The following SECISBP2 variants were observed in gnomAD, a reference collection of about 807,000 sequenced individuals.
SECISBP2 encodes SECIS binding protein 2.
A neutral mutation model predicts 98.2 loss-of-function variants in SECISBP2; 96 were observed. The ratio of observed to expected loss-of-function variants is 0.98; its 90% CI spans 0.83 to 1.16. The LOEUF is 1.16. Among genes scored for constraint, SECISBP2 ranks in the 50% most tolerant of loss-of-function variants. SECISBP2 has a pLI of 0.00. For synonymous variants in SECISBP2, 407 were observed against 370.2 expected, an observed-to-expected ratio of 1.10 and a Z score of -1.14; for missense variants, 1,046 against 1,022.9, an observed-to-expected ratio of 1.02 and a Z score of -0.31.
intron 2 of SECISBP2, chr9:89,324,281 G>A (rs1269325570): frequency 6.6e-6 from 1 of 152,174 alleles, no homozygotes; most frequent in Non-Finnish European, 1.5e-5. Flanking sequence ...TAGGCCAGTT[G>A]TTTTGTTGGA....
chr9:89,358,159 C>A lies in SECISBP2; in HGVS notation c.2429C>A (p.Pro810Gln), dbSNP rs1248757496. 6.2e-7 allele frequency: 1 copy of A among 1,613,586 alleles called. No individual in the cohort carries two copies. Among genetic ancestry groups the A allele is most frequent in the Admixed American group, 1.7e-5 (1 of 59,934 alleles). Residue 810 changes from proline (P) to glutamine (Q), a missense_variant, in exon 16 of 17, where the codon CCA becomes CAA. By Grantham distance (76) the Pro-to-Gln change is moderately conservative. Transcript: ENST00000375807. ...GPSCPAEDGPPALKEKEEPHY... is the reference protein window; with the variant it reads ...GPSCPAEDGPQALKEKEEPHY... ...AGCTGCCCTGCAGAAGATGGCCCCC[C>A]AGCCCTGAAAGAAAAAGAAGAGCCA...
chr9:89,336,081 C>CTTTTTTTTTTTTTTTTT lies in SECISBP2; in HGVS notation c.1089+1362_1089+1378dup, dbSNP rs59799418. Among the ~76,000 whole-genome samples the CTTTTTTTTTTTTTTTTT allele has an allele frequency of 1.7e-3, 55 of 33,060 alleles. 11 individuals carry two copies. Among genetic ancestry groups the CTTTTTTTTTTTTTTTTT allele is most frequent in the Admixed American group, 2.9e-3 (6 of 2,094 alleles). 21.7% of individuals were successfully genotyped at this position (33,060 alleles called of 152,430 possible). A position where few individuals can be genotyped will look rare whatever the true frequency, so the allele number is the denominator to read the frequency against. On this transcript the variant is annotated intron_variant, in intron 7 of 16. Coordinates refer to ENST00000375807, the MANE Select transcript of SECISBP2 (RefSeq NM_024077.5). ...TTTTTCCCTTAAGTAATTTTAAGTG[C>CTTTTTTTTTTTTTTTTT]TTTTTTTTTTTTTTTTTTTTTTTTT...
At position 89,328,786 on chromosome 9, in the gene SECISBP2, C is replaced by G. The variant is rs1256762689; in HGVS notation, c.701C>G (p.Ser234Ter). ...PELQGAENNM[S>*]EIQKQPKWGP... ...CTGCAAGGTGCAGAGAACAATATGT[C>G]AGAGATACAGAAGCAACCCAAGTGG... Residue 234 changes from serine (S) to a stop codon, truncating the protein, a stop_gained, in exon 5 of 17, where the codon TCA becomes TGA. Transcript: ENST00000375807. LOFTEE classifies it high-confidence loss of function. 2 of 1,614,180 alleles carry G rather than the reference C, an allele frequency of 1.2e-6. No individual in the cohort carries two copies.
chr9:89,318,936 C>T (rs1037630596), intron 1 of SECISBP2: 2 of 1,193,016 alleles, frequency 1.7e-6, no homozygotes, highest in South Asian at 3.5e-5. Context: ...CTCTTGGGAA[C>T]GGATAGATTG....
At chr9:89,348,332 A>G (rs1830746400) in intron 12 of SECISBP2, 118 bp downstream of exon 12, 1 of 1,196,820 alleles carries the variant, frequency 8.4e-7, no homozygotes, top group African/African-American at 1.5e-5. Context: ...TTGTGGTGAA[A>G]GTGGGTCAGC....
rs775778985 is a variant in SECISBP2, at chr9:89,338,508, GAAT to G, written c.1143_1145del (p.Asn381del). On this transcript the variant is annotated inframe_deletion, in exon 8 of 17. Transcript: ENST00000375807. ...TTGAACAAAATGAAGCCTCAAGAAA[GAAT>G]AAGAAAAAGAAAGAAAAATCTACAT... The G allele has an allele frequency of 6.8e-6, 11 of 1,613,244 alleles. No individual in the cohort carries two copies. In the Admixed American group the frequency reaches 1.3e-4, roughly 20 times the overall value.
At chr9:89,363,668 T>G (rs1833112535), downstream of SECISBP2, 1 of 1,593,526 alleles carries the variant, frequency 6.3e-7, no homozygotes, top group East Asian at 2.2e-5. Context: ...TTCCAGCTGT[T>G]TTTTTCACTG....
intron 5 of SECISBP2, 63 bp downstream of exon 5, chr9:89,328,949 A>G: frequency 6.2e-6 from 8 of 1,299,508 alleles, no homozygotes; most frequent in Non-Finnish European, 8.8e-6. Flanking sequence ...CTCATTTCAA[A>G]CATTACACAT....
At chr9:89,356,085 G>T (rs1431592231) in intron 14 of SECISBP2, among the ~76,000 whole-genome samples, 1 of 152,188 alleles carries the variant, frequency 6.6e-6, no homozygotes, top group East Asian at 1.9e-4. Context: ...TATTATCTGG[G>T]GCCTGTTAGG....
At position 89,339,074 on chromosome 9, in the gene SECISBP2, T is replaced by C. The variant is rs77002982; in HGVS notation, c.1212+494T>C. ...TTTAATTGTTCCATGATACTCCAAG[T>C]ATGTCATGTACTCTAAGGAGCCAGC... On this transcript the variant is annotated intron_variant, in intron 8 of 16. Transcript: ENST00000375807. Among the ~76,000 whole-genome samples, 1,078 of 152,348 alleles carry C rather than the reference T, an allele frequency of 7.1e-3. 4 individuals are homozygous for C. Among genetic ancestry groups the C allele is most frequent in the South Asian group, 0.022 (105 of 4,826 alleles).
At chr9:89,354,187 T>A (rs1228459632) in intron 14 of SECISBP2, among the ~76,000 whole-genome samples, 3 of 152,246 alleles carry the variant, frequency 2.0e-5, no homozygotes, top group Non-Finnish European at 2.9e-5. Flanking sequence ...GGTTGGAGGT[T>A]GTTTGAGCAA....
downstream of SECISBP2, chr9:89,363,429 C>A (rs1278513880): frequency 1.2e-6 from 2 of 1,612,490 alleles, no homozygotes; most frequent in Admixed American, 1.7e-5. Context: ...CGGCCACTTA[C>A]CCACGCCTTC....
In SECISBP2 at chr9:89,328,675, G is replaced by A. The variant is rs564285621; in HGVS notation, c.590G>A (p.Arg197Gln). ...NSLKSDGYHKRTDRKSRIIAK... is the reference protein window; with the variant it reads ...NSLKSDGYHKQTDRKSRIIAK... ...GTAATTACAGATGGTTACCATAAGC[G>A]AACAGACAGGAAATCCAGAATCATT... Residue 197 changes from arginine (R) to glutamine (Q), a missense_variant, in exon 5 of 17, where the codon CGA becomes CAA. Coordinates refer to ENST00000375807, the MANE Select transcript of SECISBP2 (RefSeq NM_024077.5). The A allele has an allele frequency of 5.6e-6, 9 of 1,613,828 alleles. No individual in the cohort carries two copies. The highest frequency in any genetic ancestry group is 2.2e-5 in the East Asian group (1 of 44,886).
intron 14 of SECISBP2, among the ~76,000 whole-genome samples, chr9:89,353,433 C>T (rs549714258): frequency 4.6e-5 from 7 of 152,164 alleles, no homozygotes; most frequent in South Asian, 2.1e-4. Flanking sequence ...ATGTGTGGTG[C>T]GTCATGTCCT....
chr9:89,319,765 C>G lies in SECISBP2; in HGVS notation c.150C>G (p.Tyr50Ter). The G allele has an allele frequency of 1.2e-6, 2 of 1,614,206 alleles. No homozygotes were observed. Among genetic ancestry groups the G allele is most frequent in the Non-Finnish European group, 1.7e-6 (2 of 1,180,024 alleles). ...ACVFPSSAATYYPFVQEPPVT... is the reference protein window; with the variant it reads ...ACVFPSSAAT ...TCTTCCCCAGCTCTGCAGCCACATA[C>G]TATCCGTTTGTTCAGGAACCACCAG... Residue 50 changes from tyrosine (Y) to a stop codon, truncating the protein, a stop_gained, in exon 2 of 17, where the codon TAC (tyrosine) becomes TAG (stop). Coordinates refer to ENST00000375807, the MANE Select transcript of SECISBP2 (RefSeq NM_024077.5). LOFTEE classifies it high-confidence loss of function.
intron 10 of SECISBP2, among the ~76,000 whole-genome samples, chr9:89,345,213 G>C (rs910588657): frequency 1.3e-5 from 2 of 152,200 alleles, no homozygotes; most frequent in African/African-American, 4.8e-5. Context: ...GGCCCTGTCT[G>C]TTGCTTGACT....
chr9:89,355,006 C>T (rs754064205), intron 14 of SECISBP2: 6 of 985,406 alleles, frequency 6.1e-6, no homozygotes, highest in Non-Finnish European at 7.2e-6. Context: ...GTTTCTATCC[C>T]AGGAGGCTGC....
At chr9:89,339,119 C>T (rs1330103591) in intron 8 of SECISBP2, among the ~76,000 whole-genome samples, 2 of 152,216 alleles carry the variant, frequency 1.3e-5, no homozygotes, top group Admixed American at 6.5e-5. Flanking sequence ...AACTTAATTT[C>T]TCGTGTGCCT....
At chr9:89,333,320 CTT>C (rs1828062731) in intron 6 of SECISBP2, among the ~76,000 whole-genome samples, 1 of 152,182 alleles carries the variant, frequency 6.6e-6, no homozygotes, top group African/African-American at 2.4e-5. Context: ...CCAAAGAGCT[CTT>C]GTTTATTTGG....
Sources: gnomAD v4.1 joint callset for allele counts (sites outside exome capture counted in the v4.1 genomes callset) on GRCh38, gnomAD v4.1.1 for gene constraint, MANE v1.5 for transcripts, NCBI Gene and HGNC (gene_info 2026-07-23, HGNC 2026-07-21) for gene names.